GRM4: variants seen among roughly 807,000 people sequenced by gnomAD.
GRM4 encodes glutamate metabotropic receptor 4.
In GRM4, 28 loss-of-function variants were observed where a neutral mutation model predicts 81.7. The observed-to-expected ratio is 0.34, with a 90% CI of 0.25 to 0.47. GRM4 has a LOEUF of 0.47. Among genes scored for constraint, GRM4 ranks in the 20% least tolerant of loss-of-function variants. The probability of loss-of-function intolerance (pLI) is 1.00; values close to 1 mark genes in which losing one functional copy is unlikely to be tolerated. For synonymous variants in GRM4, 488 were observed against 528.8 expected (o/e 0.92, Z 1.06); for missense variants, 948 against 1,290.0 (o/e 0.73, Z 4.06).
chr6:34,075,329 A>C (rs1767258611), intron 3 of GRM4, among the ~76,000 whole-genome samples: 1 of 152,092 alleles, frequency 6.6e-6, no homozygotes, highest in Non-Finnish European at 1.5e-5. Flanking sequence ...CCTCCGCCTC[A>C]CTTCACCTCT....
chr6:34,023,397 G>A, intron 10 of GRM4, among the ~76,000 whole-genome samples: 1 of 152,198 alleles, frequency 6.6e-6, no homozygotes. Flanking sequence ...CTAGAACAGT[G>A]GCCTAAGGGA....
At chr6:34,057,627 A>G (rs1765975223) in intron 5 of GRM4, among the ~76,000 whole-genome samples, 1 of 152,248 alleles carries the variant, frequency 6.6e-6, no homozygotes, top group Non-Finnish European at 1.5e-5. Flanking sequence ...GGCTCCAGAA[A>G]TTGCCAAATA....
chr6:34,044,423 T>G (rs1057080418), intron 6 of GRM4, among the ~76,000 whole-genome samples: 8 of 113,414 alleles, frequency 7.1e-5, no homozygotes, highest in African/African-American at 1.4e-4. Context: ...GACACACACA[T>G]ACACACAGAC....
Position 34,074,194 on chromosome 6 carries a change from G to A in GRM4, c.737-12166C>T, listed in dbSNP as rs1310294629. ...GTGTGATATGAGGAAGCGGAGTCTGGGCACAGACAGGGGCATGTCCCATCT... is the reference window on the plus strand; with the variant it reads ...GTGTGATATGAGGAAGCGGAGTCTGAGCACAGACAGGGGCATGTCCCATCT... On this transcript the variant is annotated intron_variant, in intron 3 of 10. Coordinates refer to ENST00000538487, the MANE Select transcript of GRM4 (RefSeq NM_000841.4). This position sits in a 1 kb window ranked among gnomAD's most constrained non-coding sequence, Gnocchi z 4.9. Among the ~76,000 whole-genome samples the A allele has an allele frequency of 2.0e-5, 3 of 152,266 alleles. No homozygotes were observed. Among genetic ancestry groups the A allele is most frequent in the African/African-American group, 7.2e-5 (3 of 41,546 alleles).
At chr6:34,051,323 C>G (rs1400123704) in intron 6 of GRM4, among the ~76,000 whole-genome samples, 1 of 152,206 alleles carries the variant, frequency 6.6e-6, no homozygotes, top group African/African-American at 2.4e-5. Flanking sequence ...TGGAACAGAG[C>G]TTGACAATTA....
chr6:34,097,575 C>T (rs565668914), intron 2 of GRM4, among the ~76,000 whole-genome samples: 4 of 152,362 alleles, frequency 2.6e-5, no homozygotes, highest in South Asian at 2.1e-4. Context: ...GGCTAGCACA[C>T]GGGTGGTGAC....
At chr6:34,099,317 C>A (rs1768706439) in intron 2 of GRM4, among the ~76,000 whole-genome samples, 1 of 152,180 alleles carries the variant, frequency 6.6e-6, no homozygotes, top group African/African-American at 2.4e-5. Context: ...CTGCCCTCAG[C>A]CTGCAGGGGA....
At chr6:34,103,627 CT>C (rs1768960268) in intron 2 of GRM4, 1 of 1,535,562 alleles carries the variant, frequency 6.5e-7, no homozygotes. Flanking sequence ...CAACAGTGAT[CT>C]GTGGGGGAGG....
chr6:34,103,318 A>T (rs371721835), intron 2 of GRM4, among the ~76,000 whole-genome samples: 1 of 152,292 alleles, frequency 6.6e-6, no homozygotes, highest in East Asian at 1.9e-4. Context: ...ACCCTTTTAA[A>T]CATTATATGT....
rs562646968 is a variant in GRM4 at position 34,133,629 on chromosome 6, C to T, written c.-133G>A. ...GGACTGAGGGCAGCCAACCGCGTAGCCCATGCTGCTACCCTCTCCCACCTC... is the reference window on the plus strand; with the variant it reads ...GGACTGAGGGCAGCCAACCGCGTAGTCCATGCTGCTACCCTCTCCCACCTC... On this transcript the variant is annotated 5_prime_UTR_variant, in exon 2 of 11. Transcript: ENST00000538487. The surrounding 1 kb of genome is among the most constrained non-coding windows in gnomAD (Gnocchi z 6.5). The T allele has an allele frequency of 5.6e-6, 8 of 1,438,432 alleles. No homozygotes were observed. The East Asian group carries it at 1.2e-4, about 22-fold the overall frequency. The allele number at this position is 1,438,432 out of a possible 1,614,324, so 89.1% of individuals were successfully genotyped here.
chr6:34,147,864 T>C (rs942226387), upstream of GRM4, among the ~76,000 whole-genome samples: 1 of 152,122 alleles, frequency 6.6e-6, no homozygotes, highest in Non-Finnish European at 1.5e-5. Context: ...GCCACTGAAA[T>C]TTTTAACACA....
At chr6:34,040,432 C>A in intron 7 of GRM4, 116 bp downstream of exon 7, 1 of 1,432,528 alleles carries the variant, frequency 7.0e-7, no homozygotes, top group South Asian at 1.2e-5. Context: ...GAGATTTCAC[C>A]TCTTGGAAAC....
rs1227712585 is a variant in GRM4, at chr6:34,090,906, G to A, written c.736+977C>T. On this transcript the variant is annotated intron_variant, in intron 3 of 10. Coordinates refer to ENST00000538487, the MANE Select transcript of GRM4 (RefSeq NM_000841.4). This position sits in a 1 kb window ranked among gnomAD's most constrained non-coding sequence, Gnocchi z 5.2. ...GGGAGAGACCAGGGGCAGGGCAGAC[G>A]GGCCCTCTCTGCAGGAGGTGGGTCT... Among the ~76,000 whole-genome samples, 6 of 152,102 alleles carry A rather than the reference G, an allele frequency of 3.9e-5. No homozygotes were observed. Among genetic ancestry groups the A allele is most frequent in the East Asian group, 1.9e-4 (1 of 5,188 alleles).
chr6:34,120,675 AG>A (rs1769775476), intron 2 of GRM4, among the ~76,000 whole-genome samples: 1 of 152,112 alleles, frequency 6.6e-6, no homozygotes, highest in Admixed American at 6.5e-5. Flanking sequence ...CCTAAGCCCC[AG>A]CAGCCTCCCA....
intron 6 of GRM4, chr6:34,055,064 A>G (rs1765802755): frequency 6.6e-6 from 1 of 152,238 alleles, no homozygotes; most frequent in Admixed American, 6.5e-5. Flanking sequence ...ATCCTCGTCT[A>G]GAGTGCAGGA....
chr6:34,043,082 C>A (rs1765093857), intron 6 of GRM4, among the ~76,000 whole-genome samples: 2 of 152,192 alleles, frequency 1.3e-5, no homozygotes, highest in Admixed American at 1.3e-4. Context: ...GACAAGAAAA[C>A]TGAGGCTGGT....
chr6:34,083,001 C>T (rs151022111), intron 3 of GRM4, among the ~76,000 whole-genome samples: 2,581 of 152,248 alleles, frequency 0.017, 42 homozygotes, highest in Middle Eastern at 0.041. Flanking sequence ...TTTTTCAAAC[C>T]CCAAAGGAAT....
At chr6:34,083,383 C>G (rs1767710211) in intron 3 of GRM4, among the ~76,000 whole-genome samples, 1 of 152,232 alleles carries the variant, frequency 6.6e-6, no homozygotes, top group South Asian at 2.1e-4. Flanking sequence ...AGAACAGAGA[C>G]TGACCTGGCA....
intron 10 of GRM4, among the ~76,000 whole-genome samples, chr6:34,026,680 G>A (rs912684307): frequency 2.6e-5 from 4 of 152,146 alleles, no homozygotes; most frequent in African/African-American, 9.7e-5. Context: ...TGGAGCAGAG[G>A]CAGAGGGCAG....
Sources: gnomAD v4.1 joint callset for allele counts (sites outside exome capture counted in the v4.1 genomes callset) on GRCh38, gnomAD v4.1.1 for gene constraint, Gnocchi (gnomAD v3.1) non-coding constraint, MANE v1.5 for transcripts, NCBI Gene and HGNC (gene_info 2026-07-23, HGNC 2026-07-21) for gene names.